Variants in CSTA observed in about 807,000 individuals in gnomAD.
CSTA encodes the protein cystatin A, also known as cystatin-A.
Under a neutral mutation model 9.2 loss-of-function variants are expected in CSTA, and 9 were observed. The observed-to-expected ratio is 0.97, with a 90% CI of 0.59 to 1.70. The LOEUF is 1.70. Among genes scored for constraint, CSTA ranks in the 40% most tolerant of loss-of-function variants. The pLI is 0.00. For missense variants in CSTA, 118 were observed against 113.1 expected (o/e 1.04, Z -0.20); for synonymous variants, 36 against 40.6 (o/e 0.89, Z 0.43).
intron 1 of CSTA, among the ~76,000 whole-genome samples, chr3:122,336,463 T>C (rs1423465431): frequency 1.3e-5 from 2 of 152,162 alleles, no homozygotes; most frequent in Non-Finnish European, 2.9e-5. Flanking sequence ...CCATGAGTCA[T>C]ATTAATATAA....
At chr3:122,332,818 G>A (rs1285873702) in intron 1 of CSTA, among the ~76,000 whole-genome samples, 2 of 152,088 alleles carry the variant, frequency 1.3e-5, no homozygotes, top group East Asian at 1.9e-4. Flanking sequence ...TCCGTTCACC[G>A]CCAGTCTCCC....
Position 122,335,958 on chromosome 3 carries a change from T to TACACACACAC in CSTA, c.67-1560_67-1551dup, listed in dbSNP as rs55707796. ...TGGTATTTGATTTTAATCAGAGGAA[T>TACACACACAC]ACACACACACACACACACACACACA... On this transcript the variant is annotated intron_variant, in intron 1 of 2. Transcript: ENST00000264474. 2.4e-3 allele frequency among the ~76,000 whole-genome samples: 358 copies of TACACACACAC among 147,654 alleles called. 3 individuals carry two copies. The highest frequency in any genetic ancestry group is 8.7e-3 in the African/African-American group (345 of 39,558).
At chr3:122,333,540 G>GAAGAAAGAAAGAAAGAAAGAAAGAAGGA (rs2075216570) in intron 1 of CSTA, among the ~76,000 whole-genome samples, 16 of 112,078 alleles carry the variant, frequency 1.4e-4, no homozygotes, top group Non-Finnish European at 2.5e-4. Flanking sequence ...AGAAAAGAAA[G>GAAGAAAGAAAGAAAGAAAGAAAGAAGGA]AAGAAAGAAA....
intron 1 of CSTA, among the ~76,000 whole-genome samples, chr3:122,336,301 T>C (rs2075237291): frequency 1.3e-5 from 2 of 152,182 alleles, no homozygotes; most frequent in Non-Finnish European, 1.5e-5. Flanking sequence ...TCTACTTTTG[T>C]AGAGTCAGAA....
chr3:122,337,813 G>A (rs1432413030), intron 2 of CSTA, 165 bp downstream of exon 2: 2 of 663,758 alleles, frequency 3.0e-6, no homozygotes, highest in East Asian at 5.2e-5. Flanking sequence ...GGTAGATGAT[G>A]TGACACCATT....
chr3:122,325,601 A>G (rs933980007), intron 1 of CSTA, among the ~76,000 whole-genome samples: 10 of 152,340 alleles, frequency 6.6e-5, no homozygotes, highest in African/African-American at 2.4e-4. Flanking sequence ...CTCCATGGGT[A>G]AAAGAATTTG....
At chr3:122,333,926 A>G (rs2075222193) in intron 1 of CSTA, among the ~76,000 whole-genome samples, 1 of 152,228 alleles carries the variant, frequency 6.6e-6, no homozygotes, top group Non-Finnish European at 1.5e-5. Flanking sequence ...CTCCATTCAT[A>G]AAATGAGGTT....
chr3:122,337,865 T>A, intron 2 of CSTA: 2 of 549,050 alleles, frequency 3.6e-6, no homozygotes, highest in Middle Eastern at 4.2e-4. Context: ...CATTGATTCT[T>A]GATTTCTGGA....
Position 122,337,808 on chromosome 3 carries a change from A to G in CSTA, c.168+160A>G, listed in dbSNP as rs182404895. 9.2e-4 allele frequency: 618 copies of G among 673,676 alleles called. 2 individuals carry two copies. In the East Asian group the frequency reaches 0.01, roughly 11 times the overall value. The allele number at this position is 673,676 out of a possible 1,614,324, so 41.7% of individuals were successfully genotyped here. On this transcript the variant is annotated intron_variant, in intron 2 of 2. Coordinates refer to ENST00000264474, the MANE Select transcript of CSTA (RefSeq NM_005213.4). Reference sequence around the variant, plus strand: ...AGTGGTGGACTCTCAAATTTGGTAGATGATGTGACACCATTTTTTTTCTTG... The same window carrying G: ...AGTGGTGGACTCTCAAATTTGGTAGGTGATGTGACACCATTTTTTTTCTTG...
Position 122,341,684 on chromosome 3 carries a change from T to A in CSTA, c.*117T>A. On this transcript the variant is annotated 3_prime_UTR_variant, in exon 3 of 3. Transcript: ENST00000264474. The stretch of plus-strand genomic sequence containing the variant: ...TTTCCAAAGAAATTATTTCTTCAAT[T>A]ATTTCTCATTTATTGTATTAAGCAG... 2 of 1,293,424 alleles carry A rather than the reference T, an allele frequency of 1.5e-6. No homozygotes were observed. Among genetic ancestry groups the A allele is most frequent in the Non-Finnish European group, 1.1e-6 (1 of 905,912 alleles). 80.1% of individuals were successfully genotyped at this position (1,293,424 alleles called of 1,614,324 possible). A position where few individuals can be genotyped will look rare whatever the true frequency, so the allele number is the denominator to read the frequency against.
intron 2 of CSTA, 23 bp downstream of exon 2, chr3:122,337,671 A>T (rs776994947): frequency 1.0e-5 from 14 of 1,370,298 alleles, no homozygotes; most frequent in Middle Eastern, 1.8e-4. Flanking sequence ...CACCTACTTT[A>T]GCGCCAAAAG....
intron 1 of CSTA, among the ~76,000 whole-genome samples, chr3:122,337,220 T>C (rs1207665431): frequency 6.6e-6 from 1 of 152,230 alleles, no homozygotes; most frequent in Non-Finnish European, 1.5e-5. Context: ...TTTAAAATAA[T>C]GTTTTAATCA....
intron 1 of CSTA, among the ~76,000 whole-genome samples, chr3:122,328,975 AT>A (rs200855788): frequency 7.5e-4 from 109 of 146,296 alleles, no homozygotes; most frequent in African/African-American, 2.3e-3. Flanking sequence ...TTAAAATTTA[AT>A]TTTTTTTTTG....
chr3:122,339,774 G>T (rs1029110877), intron 2 of CSTA, among the ~76,000 whole-genome samples: 3 of 152,184 alleles, frequency 2.0e-5, no homozygotes, highest in Non-Finnish European at 2.9e-5. Context: ...AGGATCACTT[G>T]AGCCGAGGAG....
chr3:122,326,521 A>T (rs2107664487), intron 1 of CSTA, among the ~76,000 whole-genome samples: 1 of 152,314 alleles, frequency 6.6e-6, no homozygotes, highest in East Asian at 1.9e-4. Flanking sequence ...GGAAAACAAG[A>T]TCAGCTTTTT....
rs2075267529 is a variant in CSTA at position 122,341,831 on chromosome 3, G to T, written c.*264G>T. 2 of 422,578 alleles carry T rather than the reference G, an allele frequency of 4.7e-6. No homozygotes were observed. The highest frequency in any genetic ancestry group is 8.8e-6 in the Non-Finnish European group (2 of 228,392). The allele number at this position is 422,578 out of a possible 1,614,324, so 26.2% of individuals were successfully genotyped here. ...GCCTAATGCAACTGGCTAAAGGATA[G>T]TACCACCCTCACCCCCACCATAGGC... On this transcript the variant is annotated 3_prime_UTR_variant, in exon 3 of 3. Coordinates refer to ENST00000264474, the MANE Select transcript of CSTA (RefSeq NM_005213.4).
chr3:122,341,105 C>T, intron 2 of CSTA, among the ~76,000 whole-genome samples: 1 of 151,980 alleles, frequency 6.6e-6, no homozygotes, highest in Non-Finnish European at 1.5e-5. Flanking sequence ...CCATGCCCGG[C>T]TAATTTTTTG....
At chr3:122,328,037 G>A (rs1037511966) in intron 1 of CSTA, among the ~76,000 whole-genome samples, 2 of 152,170 alleles carry the variant, frequency 1.3e-5, no homozygotes, top group African/African-American at 4.8e-5. Flanking sequence ...GAGGTAGAAT[G>A]AGAGATAAGT....
In CSTA at chr3:122,341,558, G is replaced by A. The variant is rs182735423; in HGVS notation, c.288G>A (p.Thr96=). The A allele has an allele frequency of 1.2e-5, 20 of 1,614,056 alleles. No homozygotes were observed. Among genetic ancestry groups the A allele is most frequent in the South Asian group, 1.1e-4 (10 of 91,074 alleles). The change falls in exon 3 of 3, where the codon ACG becomes ACA. Residue 96 remains threonine (T), a synonymous_variant. Coordinates refer to ENST00000264474, the MANE Select transcript of CSTA (RefSeq NM_005213.4). ...ACAAAAACAAGGATGACGAGCTGAC[G>A]GGCTTTTAGCAGCATGTACCCAAAG... The part of the protein sequence containing the change: ...QVDKNKDDEL[T]GF
Sources: allele counts gnomAD v4.1 joint callset (sites outside exome capture counted in the v4.1 genomes callset), GRCh38; gene constraint gnomAD v4.1.1; transcripts MANE v1.5; gene names NCBI Gene and HGNC (gene_info 2026-07-23, HGNC 2026-07-21).